The following ZBTB20 variants were observed in gnomAD, a reference collection of about 807,000 sequenced individuals.
The protein encoded by ZBTB20 is zinc finger and BTB domain containing 20.
In ZBTB20, 9 loss-of-function variants were observed where a neutral mutation model predicts 56.9. The observed-to-expected ratio is 0.16, with a 90% confidence interval of 0.10 to 0.28. ZBTB20 has a LOEUF of 0.28. Ranked by LOEUF, ZBTB20 falls within the 10% of genes least tolerant of loss-of-function variation. The pLI is 1.00. For synonymous variants in ZBTB20, 417 were observed against 420.7 expected (o/e 0.99, Z 0.11); for missense variants, 655 against 1,003.0 (o/e 0.65, Z 4.69).
intron 7 of ZBTB20, among the ~76,000 whole-genome samples, chr3:114,476,551 A>G (rs938577952): frequency 6.6e-6 from 1 of 152,228 alleles, no homozygotes; most frequent in African/African-American, 2.4e-5. Context: ...AGATCATCCC[A>G]TGGTGGAAGG....
Position 114,330,697 on chromosome 3 carries a change from T to C in ZBTB20, c.*8308A>G, listed in dbSNP as rs150496749. The C allele has an allele frequency of 8.5e-5, 13 of 152,216 alleles. No homozygotes were observed. Among genetic ancestry groups the C allele is most frequent in the African/African-American group, 2.9e-4 (12 of 41,552 alleles). 9.4% of individuals were successfully genotyped at this position (152,216 alleles called of 1,614,324 possible). Reference sequence around the variant, plus strand: ...TTACTTAACAGGGGAAGGGGAAAAGTCACCAGAATAGAAGAGGAAAGAAAA... The same window carrying C: ...TTACTTAACAGGGGAAGGGGAAAAGCCACCAGAATAGAAGAGGAAAGAAAA... On this transcript the variant is annotated 3_prime_UTR_variant, in exon 12 of 12. Transcript: ENST00000675478.
At chr3:115,016,644 T>G (rs956953043) in intron 2 of ZBTB20, among the ~76,000 whole-genome samples, 5 of 151,702 alleles carry the variant, frequency 3.3e-5, no homozygotes, top group Admixed American at 3.3e-4. Context: ...CATTTCTGAG[T>G]TCTCTATTCT....
chr3:114,556,470 G>A (rs1305822235), intron 6 of ZBTB20, among the ~76,000 whole-genome samples: 2 of 151,994 alleles, frequency 1.3e-5, no homozygotes, highest in African/African-American at 4.8e-5. Context: ...GCATCCATAT[G>A]AAGTCACAAA....
chr3:114,430,951 T>C (rs879909648), intron 7 of ZBTB20, among the ~76,000 whole-genome samples: 1 of 152,160 alleles, frequency 6.6e-6, no homozygotes, highest in South Asian at 2.1e-4. Flanking sequence ...TTTTCTCTCA[T>C]ATATGAAGGC....
chr3:114,952,697 T>G (rs931072577), intron 3 of ZBTB20, among the ~76,000 whole-genome samples: 1 of 152,006 alleles, frequency 6.6e-6, no homozygotes, highest in African/African-American at 2.4e-5. Context: ...ACACATTATC[T>G]GTAGGGAAAC....
At chr3:114,341,280 G>A (rs1022812414) in intron 11 of ZBTB20, among the ~76,000 whole-genome samples, 6 of 150,364 alleles carry the variant, frequency 4.0e-5, no homozygotes, top group African/African-American at 1.2e-4. Context: ...TTTTTTTGAA[G>A]TAAGAGATTC....
chr3:114,768,499 C>A (rs2068942190), intron 5 of ZBTB20, among the ~76,000 whole-genome samples: 1 of 151,986 alleles, frequency 6.6e-6, no homozygotes, highest in African/African-American at 2.4e-5. Flanking sequence ...AGCAACTCAT[C>A]AGACATATAG....
Position 114,339,539 on chromosome 3 carries a change from A to G in ZBTB20, c.1805-113T>C. ...AAAAGAAAAATAAAACAATTAAAAAATAAAATTTGATTGCTTAATGGATCA... is the reference window on the plus strand; with the variant it reads ...AAAAGAAAAATAAAACAATTAAAAAGTAAAATTTGATTGCTTAATGGATCA... On this transcript the variant is annotated intron_variant, in intron 11 of 11. Transcript: ENST00000675478. The surrounding 1 kb of genome is among the most constrained non-coding windows in gnomAD (Gnocchi z 4.2). 1.6e-6 allele frequency: 2 copies of G among 1,223,790 alleles called. No homozygotes were observed. The highest frequency in any genetic ancestry group is 2.2e-6 in the Non-Finnish European group (2 of 905,952). 75.8% of individuals were successfully genotyped at this position (1,223,790 alleles called of 1,614,324 possible). A position where few individuals can be genotyped will look rare whatever the true frequency, so the allele number is the denominator to read the frequency against.
At chr3:114,712,805 A>G (rs985566323) in intron 5 of ZBTB20, among the ~76,000 whole-genome samples, 1 of 152,236 alleles carries the variant, frequency 6.6e-6, no homozygotes, top group Non-Finnish European at 1.5e-5. Flanking sequence ...TGTAACTATT[A>G]AATCAGTATG....
intron 6 of ZBTB20, among the ~76,000 whole-genome samples, chr3:114,545,797 A>C (rs561907769): frequency 7.9e-5 from 12 of 152,296 alleles, no homozygotes; most frequent in African/African-American, 2.9e-4. Flanking sequence ...TCATGGCCAA[A>C]AACATCGTTT....
intron 7 of ZBTB20, among the ~76,000 whole-genome samples, chr3:114,442,121 C>A (rs2090969851): frequency 1.3e-5 from 2 of 152,202 alleles, no homozygotes; most frequent in South Asian, 2.1e-4. Context: ...AGGGAAATGT[C>A]AGTTTCCCCC....
intron 2 of ZBTB20, among the ~76,000 whole-genome samples, chr3:115,003,172 A>G (rs1355054142): frequency 6.6e-6 from 1 of 151,654 alleles, no homozygotes; most frequent in African/African-American, 2.4e-5. Flanking sequence ...GGTAGAGTAC[A>G]GAGGATTTCT....
chr3:114,884,030 A>AT (rs1284644072), intron 4 of ZBTB20, among the ~76,000 whole-genome samples: 1 of 133,188 alleles, frequency 7.5e-6, no homozygotes, highest in Non-Finnish European at 1.6e-5. Flanking sequence ...GGTTCACGCC[A>AT]TTCTCCTGCC....
intron 1 of ZBTB20, among the ~76,000 whole-genome samples, chr3:115,117,240 C>T (rs2084045721): frequency 6.6e-6 from 1 of 152,080 alleles, no homozygotes; most frequent in African/African-American, 2.4e-5. Context: ...TAAGCATTGG[C>T]ATACCTAATA....
At chr3:114,522,362 G>A (rs1481358228) in intron 6 of ZBTB20, among the ~76,000 whole-genome samples, 1 of 152,140 alleles carries the variant, frequency 6.6e-6, no homozygotes, top group Non-Finnish European at 1.5e-5. Context: ...GTGAGCTAGG[G>A]TGGAGCGCTA....
At chr3:114,957,029 C>A (rs2077270839) in intron 3 of ZBTB20, among the ~76,000 whole-genome samples, 1 of 152,078 alleles carries the variant, frequency 6.6e-6, no homozygotes, top group African/African-American at 2.4e-5. Context: ...CAACAGAGGG[C>A]AAAGGTGGCA....
At chr3:114,564,121 ATCTCTC>A (rs140370618) in intron 6 of ZBTB20, among the ~76,000 whole-genome samples, 1 of 150,134 alleles carries the variant, frequency 6.7e-6, no homozygotes, top group African/African-American at 2.4e-5. Flanking sequence ...GCATCTTTCA[ATCTCTC>A]TCTCTCTCTG....
chr3:114,479,253 G>C (rs896593941), intron 7 of ZBTB20, among the ~76,000 whole-genome samples: 2 of 152,082 alleles, frequency 1.3e-5, no homozygotes, highest in Admixed American at 1.3e-4. Flanking sequence ...ATTTTTCTAA[G>C]GAGGTCTTGA....
chr3:114,461,941 A>G (rs1195355994), intron 7 of ZBTB20, among the ~76,000 whole-genome samples: 1 of 152,240 alleles, frequency 6.6e-6, no homozygotes, highest in South Asian at 2.1e-4. Flanking sequence ...CTGCTAATCT[A>G]GGTGTCATGG....
Sources: gnomAD v4.1 joint callset for allele counts (sites outside exome capture counted in the v4.1 genomes callset) on GRCh38, gnomAD v4.1.1 for gene constraint, Gnocchi (gnomAD v3.1) non-coding constraint, MANE v1.5 for transcripts, NCBI Gene and HGNC (gene_info 2026-07-23, HGNC 2026-07-21) for gene names.